OTOP2: variants seen among roughly 807,000 people sequenced by gnomAD.
OTOP2 encodes the protein otopetrin 2.
A neutral mutation model predicts 47.4 loss-of-function variants in OTOP2; 41 were observed. That is an observed-to-expected ratio of 0.87 (90% CI 0.67 to 1.12). OTOP2 has a LOEUF of 1.12. Among genes scored for constraint, OTOP2 ranks in the 50% most tolerant of loss-of-function variants. OTOP2 has a pLI of 0.00. For synonymous variants in OTOP2, 328 were observed against 319.6 expected, an observed-to-expected ratio of 1.03 and a Z score of -0.28; for missense variants, 721 against 752.2, an observed-to-expected ratio of 0.96 and a Z score of 0.49.
At chr17:74,926,479 G>C (rs1567943927) in intron 3 of OTOP2, among the ~76,000 whole-genome samples, 1 of 152,036 alleles carries the variant, frequency 6.6e-6, no homozygotes, top group African/African-American at 2.4e-5. Context: ...GATGAGCAGG[G>C]GATGTTGTCA....
chr17:74,924,668 C>T lies in OTOP2; in HGVS notation c.36C>T (p.Ser12=), dbSNP rs1427718082. The T allele has an allele frequency of 3.8e-6, 6 of 1,589,922 alleles. No homozygotes were observed. The highest frequency in any genetic ancestry group is 2.3e-5 in the East Asian group (1 of 44,416). ...SEELAQGPKE[S]PPAPRAGPRE... Reference sequence around the variant, plus strand: ...AGCTGGCCCAGGGCCCCAAGGAGAGCCCCCCGGCGCCGCGTGCGGGCCCCA... The same window carrying T: ...AGCTGGCCCAGGGCCCCAAGGAGAGTCCCCCGGCGCCGCGTGCGGGCCCCA... Residue 12 remains serine, a synonymous_variant, in exon 2 of 7, where the codon AGC becomes AGT. Coordinates refer to ENST00000331427, the MANE Select transcript of OTOP2 (RefSeq NM_178160.3). This position sits in a 1 kb window ranked among gnomAD's most constrained non-coding sequence, Gnocchi z 7.7.
chr17:74,925,031 T>C, intron 2 of OTOP2, 86 bp downstream of exon 2: 1 of 1,422,140 alleles, frequency 7.0e-7, no homozygotes, highest in Non-Finnish European at 9.3e-7. Flanking sequence ...GAGTGCAGAT[T>C]GACATACGAG....
chr17:74,930,819 C>G lies in OTOP2; in HGVS notation c.1184C>G (p.Pro395Arg), dbSNP rs780020903. Residue 395 changes from proline (P) to arginine (R), a missense_variant, in exon 6 of 7, where the codon CCC (proline) becomes CGC (arginine). Pro to Arg is a moderately radical substitution (Grantham distance 103, BLOSUM62 -2). Transcript: ENST00000331427. This position sits in a 1 kb window ranked among gnomAD's most constrained non-coding sequence, Gnocchi z 4.0. ...ATCGTGGCTGTGGTGGCGGGCACACCCCAGGACCTGCTGGCAGGGCTCAAC... is the reference window on the plus strand; with the variant it reads ...ATCGTGGCTGTGGTGGCGGGCACACGCCAGGACCTGCTGGCAGGGCTCAAC... ...YSIVAVVAGTPQDLLAGLNLT... is the reference protein window; with the variant it reads ...YSIVAVVAGTRQDLLAGLNLT... 1 of 1,614,104 alleles carries G rather than the reference C, an allele frequency of 6.2e-7. No individual in the cohort carries two copies. Among genetic ancestry groups the G allele is most frequent in the Non-Finnish European group, 8.5e-7 (1 of 1,180,024 alleles).
rs750186373 is a variant in OTOP2 at position 74,933,332 on chromosome 17, A to C, written c.1519-43A>C. 4 of 1,563,014 alleles carry C rather than the reference A, an allele frequency of 2.6e-6. No individual in the cohort carries two copies. The highest frequency in any genetic ancestry group is 3.5e-6 in the Non-Finnish European group (4 of 1,145,738). On this transcript the variant is annotated intron_variant, in intron 6 of 6. Coordinates refer to ENST00000331427, the MANE Select transcript of OTOP2 (RefSeq NM_178160.3). This position sits in a 1 kb window ranked among gnomAD's most constrained non-coding sequence, Gnocchi z 4.7. Reference sequence around the variant, plus strand: ...AAACCCACAGAAATGACCCACAGGCATCCATCCAGGCCAGCTCCTGAAATG... The same window carrying C: ...AAACCCACAGAAATGACCCACAGGCCTCCATCCAGGCCAGCTCCTGAAATG...
intron 5 of OTOP2, among the ~76,000 whole-genome samples, chr17:74,928,948 C>A (rs887560120): frequency 6.6e-6 from 1 of 152,160 alleles, no homozygotes; most frequent in African/African-American, 2.4e-5. Flanking sequence ...AAAACCAAAC[C>A]AGGGAGGTGA....
At position 74,930,833 on chromosome 17, in the gene OTOP2, G is replaced by A. The variant is rs1239732606; in HGVS notation, c.1198G>A (p.Ala400Thr). 3.1e-6 allele frequency: 5 copies of A among 1,614,070 alleles called. No homozygotes were observed. The highest frequency in any genetic ancestry group is 1.7e-5 in the Admixed American group (1 of 60,014). ...GGCGGGCACACCCCAGGACCTGCTG[G>A]CAGGGCTCAACCTCACCCATGCACT... ...VVAGTPQDLL[A>T]GLNLTHALLM... Residue 400 changes from alanine to threonine, a missense_variant, in exon 6 of 7, where the codon GCA becomes ACA. By Grantham distance (58) the Ala-to-Thr change is moderately conservative (BLOSUM62 0). Coordinates refer to ENST00000331427, the MANE Select transcript of OTOP2 (RefSeq NM_178160.3). This position sits in a 1 kb window ranked among gnomAD's most constrained non-coding sequence, Gnocchi z 4.0.
chr17:74,929,195 C>T (rs149547644), intron 5 of OTOP2, among the ~76,000 whole-genome samples: 121 of 152,214 alleles, frequency 7.9e-4, no homozygotes, highest in African/African-American at 2.8e-3. Flanking sequence ...AGACTCCTTT[C>T]CATGTGGTAC....
Position 74,925,950 on chromosome 17 carries a change from C to G in OTOP2, c.450+258C>G, listed in dbSNP as rs543009704. On this transcript the variant is annotated intron_variant, in intron 3 of 6. Coordinates refer to ENST00000331427, the MANE Select transcript of OTOP2 (RefSeq NM_178160.3). ...ACCTAAGCAGTGCCAGTAGTTAACACCTAGGAGGTGTGAGTTGTGCCAGCC... is the reference window on the plus strand; with the variant it reads ...ACCTAAGCAGTGCCAGTAGTTAACAGCTAGGAGGTGTGAGTTGTGCCAGCC... Among the ~76,000 whole-genome samples the G allele has an allele frequency of 2.0e-5, 3 of 152,338 alleles. No individual in the cohort carries two copies. The South Asian group carries it at 6.2e-4, about 32-fold the overall frequency.
At position 74,933,226 on chromosome 17, in the gene OTOP2, A is replaced by G; in HGVS notation, c.1519-149A>G. On this transcript the variant is annotated intron_variant, in intron 6 of 6. Transcript: ENST00000331427. This position sits in a 1 kb window ranked among gnomAD's most constrained non-coding sequence, Gnocchi z 4.7. Reference sequence around the variant, plus strand: ...TGTGCTAGGTCCTGTCCAAAATGCTAGAGCTGCCCATTCACTGACACCCAG... The same window carrying G: ...TGTGCTAGGTCCTGTCCAAAATGCTGGAGCTGCCCATTCACTGACACCCAG... 2 of 931,904 alleles carry G rather than the reference A, an allele frequency of 2.1e-6. No individual in the cohort carries two copies. The highest frequency in any genetic ancestry group is 3.2e-6 in the Non-Finnish European group (2 of 621,494). The allele number at this position is 931,904 out of a possible 1,614,324, so 57.7% of individuals were successfully genotyped here. A position where few individuals can be genotyped will look rare whatever the true frequency, so the allele number is the denominator to read the frequency against.
At chr17:74,931,189 G>A in intron 6 of OTOP2, 36 bp downstream of exon 6, 1 of 1,548,796 alleles carries the variant, frequency 6.5e-7, no homozygotes, top group South Asian at 1.2e-5. Context: ...GGGCTTGGGA[G>A]AAGAGACTGA....
At position 74,924,739 on chromosome 17, in the gene OTOP2, C is replaced by T. The variant is rs763125176; in HGVS notation, c.107C>T (p.Ala36Val). ...GGCCGCCTGCTGTCGGTGCTGCTGG[C>T]GGTGAACGTGCTGCTCCTCGCCTGC... Reference protein sequence around the residue: ...KGGRLLSVLLAVNVLLLACTL... With the variant: ...KGGRLLSVLLVVNVLLLACTL... The change falls in exon 2 of 7, where the codon GCG becomes GTG. Residue 36 changes from alanine (A) to valine (V), a missense_variant. Physicochemically the swap from Ala to Val is moderately conservative, Grantham distance 64. Coordinates refer to ENST00000331427, the MANE Select transcript of OTOP2 (RefSeq NM_178160.3). This position sits in a 1 kb window ranked among gnomAD's most constrained non-coding sequence, Gnocchi z 7.7. 20 of 1,608,068 alleles carry T rather than the reference C, an allele frequency of 1.2e-5. No individual in the cohort carries two copies. The highest frequency in any genetic ancestry group is 1.2e-4 in the Admixed American group (7 of 59,432).
At position 74,930,396 on chromosome 17, in the gene OTOP2, C is replaced by T. The variant is rs760272398; in HGVS notation, c.761C>T (p.Ala254Val). The T allele has an allele frequency of 6.2e-7, 1 of 1,614,200 alleles. No homozygotes were observed. Among genetic ancestry groups the T allele is most frequent in the Non-Finnish European group, 8.5e-7 (1 of 1,180,038 alleles). The change falls in exon 6 of 7, where the codon GCC becomes GTC. Residue 254 changes from alanine to valine, a missense_variant. Ala to Val is a moderately conservative substitution (Grantham distance 64). Transcript: ENST00000331427. The surrounding 1 kb of genome is among the most constrained non-coding windows in gnomAD (Gnocchi z 4.0). ...YPFNIEYSLF[A>V]STMLYVMWKN... Reference sequence around the variant, plus strand: ...TTCAACATCGAGTACAGCCTCTTCGCCTCCACCATGCTGTATGTCATGTGG... The same window carrying T: ...TTCAACATCGAGTACAGCCTCTTCGTCTCCACCATGCTGTATGTCATGTGG...
chr17:74,927,228 C>G lies in OTOP2; in HGVS notation c.456C>G (p.Tyr152Ter). The part of the protein sequence containing the change: ...IQAVFVIIQT[Y>*]FLWVSAKDCV... ...ACCAATGTCTCTCCATACAGACCTA[C>G]TTTCTCTGGGTCTCTGCTAAAGACT... Residue 152 changes from tyrosine (Y) to a stop codon, truncating the protein, a stop_gained, in exon 4 of 7, where the codon TAC (tyrosine) becomes TAG (stop). Transcript: ENST00000331427. LOFTEE classifies it high-confidence loss of function. The G allele has an allele frequency of 1.2e-6, 2 of 1,612,732 alleles. No homozygotes were observed. The highest frequency in any genetic ancestry group is 1.7e-6 in the Non-Finnish European group (2 of 1,178,688).
chr17:74,932,581 A>G (rs2039069864), intron 6 of OTOP2, among the ~76,000 whole-genome samples: 1 of 152,130 alleles, frequency 6.6e-6, no homozygotes, highest in Non-Finnish European at 1.5e-5. Context: ...CTCTGGCCCC[A>G]CCTCCACCTT....
At chr17:74,925,835 C>A in intron 3 of OTOP2, 143 bp downstream of exon 3, 1 of 1,239,050 alleles carries the variant, frequency 8.1e-7, no homozygotes, top group Non-Finnish European at 1.1e-6. Flanking sequence ...CTGTAGAGAG[C>A]ATCACAGGAG....
intron 3 of OTOP2, 109 bp from the exon 4 acceptor site, chr17:74,927,114 C>T: frequency 9.9e-7 from 1 of 1,014,802 alleles, no homozygotes; most frequent in Admixed American, 1.7e-5. Context: ...CCTGATAACT[C>T]AGTGTAAGGG....
rs760371208 is a variant in OTOP2, at chr17:74,925,698, T to A, written c.450+6T>A. 6.2e-7 allele frequency: 1 copy of A among 1,614,010 alleles called. No homozygotes were observed. Among genetic ancestry groups the A allele is most frequent in the Non-Finnish European group, 8.5e-7 (1 of 1,179,952 alleles). On this transcript the variant is annotated splice_donor_region_variant and intron_variant, in intron 3 of 6. Coordinates refer to ENST00000331427, the MANE Select transcript of OTOP2 (RefSeq NM_178160.3). ...CTGTGTTTGTCATCATCCAGGTGGGTGGAGGAGTGTCGCTGTGTGGAAGAA... is the reference window on the plus strand; with the variant it reads ...CTGTGTTTGTCATCATCCAGGTGGGAGGAGGAGTGTCGCTGTGTGGAAGAA...
Position 74,933,026 on chromosome 17 carries a change from A to G in OTOP2, c.1519-349A>G, listed in dbSNP as rs959840760. ...CCCTGTGCACAAAACCCCCCAGGAC[A>G]GAGCTGCTGATTTCACTGTTTGTAC... On this transcript the variant is annotated intron_variant, in intron 6 of 6. Coordinates refer to ENST00000331427, the MANE Select transcript of OTOP2 (RefSeq NM_178160.3). The surrounding 1 kb of genome is among the most constrained non-coding windows in gnomAD (Gnocchi z 4.7). Among the ~76,000 whole-genome samples the G allele has an allele frequency of 6.6e-6, 1 of 151,296 alleles. No homozygotes were observed. The highest frequency in any genetic ancestry group is 2.1e-4 in the South Asian group (1 of 4,780).
chr17:74,927,134 C>A, intron 3 of OTOP2, 89 bp from the exon 4 acceptor site: 2 of 1,206,094 alleles, frequency 1.7e-6, no homozygotes, highest in Non-Finnish European at 2.5e-6. Flanking sequence ...GTTCCTCAGG[C>A]GGAGAGAACA....
Sources: allele counts gnomAD v4.1 joint callset (sites outside exome capture counted in the v4.1 genomes callset), GRCh38; gene constraint gnomAD v4.1.1; non-coding constraint Gnocchi (gnomAD v3.1); transcripts MANE v1.5; gene names NCBI Gene and HGNC (gene_info 2026-07-23, HGNC 2026-07-21).